PRKCE: variants seen among roughly 807,000 people sequenced by gnomAD.
PRKCE encodes protein kinase C epsilon.
In PRKCE, 16 loss-of-function variants were observed where a neutral mutation model predicts 85.4. The observed-to-expected ratio is 0.19, with a 90% CI of 0.13 to 0.28. The LOEUF is 0.28. Ranked by LOEUF, PRKCE falls within the 10% of genes least tolerant of loss-of-function variation. PRKCE has a pLI of 1.00. For synonymous variants in PRKCE, 388 were observed against 371.5 expected (o/e 1.04, Z -0.51); for missense variants, 573 against 975.2 (o/e 0.59, Z 5.49).
chr2:46,074,445 A>AAAAAAAAAAACAAAAAAAAAAAAAAAAAG (rs1558423621), intron 10 of PRKCE, among the ~76,000 whole-genome samples: 1 of 151,320 alleles, frequency 6.6e-6, no homozygotes, highest in Admixed American at 6.6e-5. Flanking sequence ...AAAAAAAAAA[A>AAAAAAAAAAACAAAAAAAAAAAAAAAAAG]AAAGAAAAAC....
rs540336474 is a variant in PRKCE at position 45,724,053 on chromosome 2, G to T, written c.348+71605G>T. Among the ~76,000 whole-genome samples, 4 of 152,304 alleles carry T rather than the reference G, an allele frequency of 2.6e-5. No individual in the cohort carries two copies. The East Asian group carries it at 7.7e-4, about 29-fold the overall frequency. On this transcript the variant is annotated intron_variant, in intron 1 of 14. Transcript: ENST00000306156. Reference sequence around the variant, plus strand: ...CCTGGCTTCAGACTCTGGGCAGTGTGCTGGCATCTTGCTATATGCAGGCAC... The same window carrying T: ...CCTGGCTTCAGACTCTGGGCAGTGTTCTGGCATCTTGCTATATGCAGGCAC...
chr2:46,005,219 C>T (rs1368547698), intron 8 of PRKCE, among the ~76,000 whole-genome samples: 2 of 152,204 alleles, frequency 1.3e-5, no homozygotes, highest in Non-Finnish European at 2.9e-5. Flanking sequence ...CCAGATATCT[C>T]CTTCTGTCCG....
At chr2:45,817,340 T>C (rs1178220363) in intron 1 of PRKCE, among the ~76,000 whole-genome samples, 2 of 152,176 alleles carry the variant, frequency 1.3e-5, no homozygotes, top group East Asian at 1.9e-4. Context: ...CCTGTTTAAT[T>C]ATACAAACTC....
upstream of PRKCE, chr2:45,651,289 C>G (rs1002896780): frequency 4.0e-5 from 6 of 149,838 alleles, no homozygotes; most frequent in Non-Finnish European, 7.4e-5. Flanking sequence ...GCAGTCCCTG[C>G]CCCGCCGCCG....
At chr2:45,986,199 C>T (rs1000871488) in intron 6 of PRKCE, among the ~76,000 whole-genome samples, 3 of 152,312 alleles carry the variant, frequency 2.0e-5, no homozygotes, top group South Asian at 2.1e-4. Flanking sequence ...AGATAAGACA[C>T]GAAACATGGG....
At chr2:45,924,156 C>T (rs1402482335) in intron 2 of PRKCE, among the ~76,000 whole-genome samples, 1 of 152,164 alleles carries the variant, frequency 6.6e-6, no homozygotes, top group African/African-American at 2.4e-5. Flanking sequence ...TCATGGGAAC[C>T]TTTCCTTATG....
intron 1 of PRKCE, among the ~76,000 whole-genome samples, chr2:45,737,025 G>A (rs1275297336): frequency 3.3e-5 from 5 of 152,296 alleles, no homozygotes; most frequent in Admixed American, 6.5e-5. Flanking sequence ...GGAGATGGAC[G>A]GTCGTCGGTC....
intron 12 of PRKCE, among the ~76,000 whole-genome samples, chr2:46,147,269 T>C (rs989075079): frequency 6.6e-6 from 1 of 152,252 alleles, no homozygotes; most frequent in Non-Finnish European, 1.5e-5. Context: ...TTTTCTCGTG[T>C]TCTTCGTTCA....
At chr2:45,823,881 C>A (rs759139636) in intron 1 of PRKCE, among the ~76,000 whole-genome samples, 29 of 152,256 alleles carry the variant, frequency 1.9e-4, no homozygotes, top group Non-Finnish European at 8.8e-5. Context: ...TTCGCAGAGG[C>A]CTGCCCAGAG....
chr2:45,849,861 G>T (rs1008372434), intron 2 of PRKCE, among the ~76,000 whole-genome samples: 1 of 152,082 alleles, frequency 6.6e-6, no homozygotes, highest in Non-Finnish European at 1.5e-5. Flanking sequence ...GGGATTTTTG[G>T]CTCTATTTTT....
intron 2 of PRKCE, among the ~76,000 whole-genome samples, chr2:45,916,303 G>T (rs751770687): frequency 4.0e-5 from 6 of 148,408 alleles, no homozygotes; most frequent in African/African-American, 1.5e-4. Context: ...GTAGTGGTGT[G>T]AACACGGCTC....
chr2:45,677,747 T>C, intron 1 of PRKCE: 2 of 472,800 alleles, frequency 4.2e-6, no homozygotes, highest in Non-Finnish European at 5.5e-6. Context: ...AAAGATACTC[T>C]GGCTTGTGGT....
intron 1 of PRKCE, among the ~76,000 whole-genome samples, chr2:45,799,008 A>T (rs1687652846): frequency 6.6e-6 from 1 of 152,062 alleles, no homozygotes; most frequent in Non-Finnish European, 1.5e-5. Context: ...TCTACTAAAA[A>T]TACAAAAATT....
intron 11 of PRKCE, among the ~76,000 whole-genome samples, chr2:46,144,332 A>G (rs1389363838): frequency 6.6e-6 from 1 of 152,202 alleles, no homozygotes. Context: ...GTGCTCATGC[A>G]GGCAGGATGC....
rs1383406413 is a variant in PRKCE, at chr2:45,976,278, T to A, written c.413-151T>A. On this transcript the variant is annotated intron_variant, in intron 2 of 14. Coordinates refer to ENST00000306156, the MANE Select transcript of PRKCE (RefSeq NM_005400.3). Reference sequence around the variant, plus strand: ...CACTCCAGCTGCTCAGTGGGACTCCTCAGACCCCCGAGTCCCTCCACACAC... The same window carrying A: ...CACTCCAGCTGCTCAGTGGGACTCCACAGACCCCCGAGTCCCTCCACACAC... The A allele has an allele frequency of 6.1e-5, 53 of 862,806 alleles. No individual in the cohort carries two copies. In the East Asian group the frequency reaches 1.3e-3, roughly 21 times the overall value. 53.4% of individuals were successfully genotyped at this position (862,806 alleles called of 1,614,324 possible).
intron 2 of PRKCE, among the ~76,000 whole-genome samples, chr2:45,921,783 A>C (rs547418656): frequency 6.6e-6 from 1 of 152,052 alleles, no homozygotes; most frequent in African/African-American, 2.4e-5. Flanking sequence ...TCATTTTGCT[A>C]TTTCTTCCTG....
At chr2:45,904,592 G>A (rs544586662) in intron 2 of PRKCE, among the ~76,000 whole-genome samples, 10 of 152,320 alleles carry the variant, frequency 6.6e-5, no homozygotes, top group African/African-American at 2.2e-4. Context: ...GCCAAGAAGC[G>A]AAATGTCTTA....
chr2:45,972,036 C>T (rs1000913048), intron 2 of PRKCE, among the ~76,000 whole-genome samples: 3 of 152,096 alleles, frequency 2.0e-5, no homozygotes, highest in African/African-American at 4.8e-5. Context: ...TAAGAAACCT[C>T]GATACTGTTT....
At chr2:45,663,555 A>G (rs1400259612) in intron 1 of PRKCE, among the ~76,000 whole-genome samples, 2 of 152,156 alleles carry the variant, frequency 1.3e-5, no homozygotes, top group Non-Finnish European at 2.9e-5. Flanking sequence ...AGGCCGAGGC[A>G]GGCGGATCAC....
Sources: allele counts gnomAD v4.1 joint callset (sites outside exome capture counted in the v4.1 genomes callset), GRCh38; gene constraint gnomAD v4.1.1; transcripts MANE v1.5; gene names NCBI Gene and HGNC (gene_info 2026-07-23, HGNC 2026-07-21).